The following A1CF variants were observed in gnomAD, a reference collection of about 807,000 sequenced individuals.
A1CF encodes the protein APOBEC-1 stimulating protein.
A neutral mutation model predicts 68.9 loss-of-function variants in A1CF; 48 were observed. The ratio of observed to expected loss-of-function variants is 0.70; its 90% CI spans 0.55 to 0.89. A1CF has a LOEUF of 0.89. Ranked by LOEUF, A1CF falls within the 40% of genes least tolerant of loss-of-function variation. The probability of loss-of-function intolerance (pLI) is 0.00; values close to 1 mark genes in which losing one functional copy is unlikely to be tolerated. For synonymous variants in A1CF, 272 were observed against 260.4 expected, an observed-to-expected ratio of 1.04 and a Z score of -0.43; for missense variants, 653 against 718.9, an observed-to-expected ratio of 0.91 and a Z score of 1.05.
chr10:50,807,004 T>C (rs1837864609), intron 12 of A1CF, 124 bp from the exon 13 acceptor site: 3 of 1,008,988 alleles, frequency 3.0e-6, no homozygotes, highest in Non-Finnish European at 2.8e-6. Flanking sequence ...TTAATATATA[T>C]GTTTTAAAAA....
intron 1 of A1CF, 117 bp downstream of exon 1, chr10:50,885,464 T>C (rs1211510952): frequency 1.3e-5 from 2 of 152,240 alleles, no homozygotes; most frequent in Non-Finnish European, 2.9e-5. Context: ...GATAATTCTT[T>C]GAATTAGGCT....
rs765367980 is a variant in A1CF at position 50,880,334 on chromosome 10, G to A, written c.-94+5247C>T. ...GTAGCTGCTTTATTGGAAAAATGGC[G>A]TAGCAATAGTACCCATTCCATAGAG... On this transcript the variant is annotated intron_variant, in intron 1 of 12. Transcript: ENST00000373997. 9.9e-5 allele frequency among the ~76,000 whole-genome samples: 15 copies of A among 152,268 alleles called. No individual in the cohort carries two copies. The East Asian group carries it at 1.9e-3, about 20-fold the overall frequency.
intron 3 of A1CF, among the ~76,000 whole-genome samples, chr10:50,856,964 C>G (rs1840506735): frequency 6.6e-6 from 1 of 152,024 alleles, no homozygotes; most frequent in African/African-American, 2.4e-5. Context: ...TAAATCATAA[C>G]ATTTGACCTT....
chr10:50,843,978 T>G lies in A1CF; in HGVS notation c.234+10A>C. 1 of 1,612,450 alleles carries G rather than the reference T, an allele frequency of 6.2e-7. No homozygotes were observed. The highest frequency in any genetic ancestry group is 8.5e-7 in the Non-Finnish European group (1 of 1,179,390). On this transcript the variant is annotated intron_variant, in intron 4 of 12. Transcript: ENST00000373997. ...CGATAAGAAAAATTAAATGTTAAAT[T>G]TGGACTCACTTTTTCACATAATGGT...
intron 1 of A1CF, among the ~76,000 whole-genome samples, chr10:50,865,174 A>T (rs1169180847): frequency 1.3e-5 from 2 of 152,010 alleles, no homozygotes; most frequent in African/African-American, 4.8e-5. Flanking sequence ...GAGGTGGATC[A>T]CCTGAGCCTG....
Position 50,811,036 on chromosome 10 carries a change from G to T in A1CF, c.1460+4C>A, listed in dbSNP as rs183476470. 1 of 1,609,776 alleles carries T rather than the reference G, an allele frequency of 6.2e-7. No homozygotes were observed. Among genetic ancestry groups the T allele is most frequent in the Admixed American group, 1.7e-5 (1 of 59,556 alleles). ...ATGGTAAGGAATTTGGAGAAGTTAC[G>T]CACATTGCAGGATTCTGGCTGGCTA... On this transcript the variant is annotated splice_donor_region_variant and intron_variant, in intron 11 of 12. Transcript: ENST00000373997.
At chr10:50,863,561 A>T (rs1316763982) in intron 2 of A1CF, among the ~76,000 whole-genome samples, 2 of 152,210 alleles carry the variant, frequency 1.3e-5, no homozygotes, top group Non-Finnish European at 2.9e-5. Context: ...AATTTTCAAG[A>T]CATAGGGATG....
chr10:50,832,740 G>A (rs1839309153), intron 6 of A1CF, among the ~76,000 whole-genome samples: 1 of 152,196 alleles, frequency 6.6e-6, no homozygotes, highest in Non-Finnish European at 1.5e-5. Flanking sequence ...AGATGATGCA[G>A]AGAAGACTTA....
intron 4 of A1CF, among the ~76,000 whole-genome samples, chr10:50,843,190 A>G (rs763834147): frequency 4.6e-5 from 7 of 152,208 alleles, no homozygotes; most frequent in Non-Finnish European, 7.3e-5. Context: ...AATAGTTTGA[A>G]CATGTTACAT....
chr10:50,869,540 C>T (rs1332220343), intron 1 of A1CF, among the ~76,000 whole-genome samples: 3 of 151,966 alleles, frequency 2.0e-5, no homozygotes, highest in Non-Finnish European at 4.4e-5. Context: ...TGTTAAGGTC[C>T]TAAGACTGTT....
At chr10:50,809,497 G>A (rs1050777884) in intron 12 of A1CF, among the ~76,000 whole-genome samples, 2 of 152,088 alleles carry the variant, frequency 1.3e-5, no homozygotes, top group African/African-American at 4.8e-5. Flanking sequence ...GGTATCATGA[G>A]TATTACTAAG....
chr10:50,882,871 T>C (rs1186188180), intron 1 of A1CF, among the ~76,000 whole-genome samples: 3 of 152,234 alleles, frequency 2.0e-5, no homozygotes, highest in Non-Finnish European at 1.5e-5. Context: ...AGACAGTTAC[T>C]GAAACAGATT....
rs957483162 is a variant in A1CF, at chr10:50,804,731, T to C, written c.*1998A>G. The C allele has an allele frequency of 6.6e-6, 1 of 152,180 alleles. No individual in the cohort carries two copies. Among genetic ancestry groups the C allele is most frequent in the African/African-American group, 2.4e-5 (1 of 41,454 alleles). The allele number at this position is 152,180 out of a possible 1,614,324, so 9.4% of individuals were successfully genotyped here. A position where few individuals can be genotyped will look rare whatever the true frequency, so the allele number is the denominator to read the frequency against. ...TGGCTATTTGTCTTAACTTAGATGA[T>C]TTTTTAATTGCATTTTTCTATTTAC... On this transcript the variant is annotated 3_prime_UTR_variant, in exon 13 of 13. Coordinates refer to ENST00000373997, the MANE Select transcript of A1CF (RefSeq NM_014576.4).
rs1589010463 is a variant in A1CF, at chr10:50,844,079, T to C, written c.143A>G (p.Asp48Gly). 6.2e-7 allele frequency: 1 copy of C among 1,613,162 alleles called. No homozygotes were observed. The highest frequency in any genetic ancestry group is 1.3e-5 in the African/African-American group (1 of 74,958). Residue 48 changes from aspartate to glycine, a missense_variant, in exon 4 of 13, where the codon GAT (aspartate) becomes GGT (glycine). By Grantham distance (94) the Asp-to-Gly change is moderately conservative. Transcript: ENST00000373997. The stretch of plus-strand genomic sequence containing the variant: ...ACAGCCCCTTTCAGGGGGTGCAGCA[T>C]CCCAACCAGGTGGAGGGCCACCATA... ...RKYGGPPPGW[D>G]AAPPERGCEI...
At position 50,859,901 on chromosome 10, in the gene A1CF, T is replaced by G; in HGVS notation, c.40A>C (p.Thr14Pro). The G allele has an allele frequency of 6.2e-7, 1 of 1,614,024 alleles. No individual in the cohort carries two copies. Among genetic ancestry groups the G allele is most frequent in the South Asian group, 1.1e-5 (1 of 91,080 alleles). Reference sequence around the variant, plus strand: ...GCGCGGAGGGCTGCTTCCTTCTGAGTGCCGCTCAATCCATCCCCGGATTTG... The same window carrying G: ...GCGCGGAGGGCTGCTTCCTTCTGAGGGCCGCTCAATCCATCCCCGGATTTG... ...NHKSGDGLSGTQKEAALRALV... is the reference protein window; with the variant it reads ...NHKSGDGLSGPQKEAALRALV... Residue 14 changes from threonine (T) to proline (P), a missense_variant, in exon 3 of 13, where the codon ACT (threonine) becomes CCT (proline). Transcript: ENST00000373997.
At chr10:50,869,993 G>T (rs1841173260) in intron 1 of A1CF, among the ~76,000 whole-genome samples, 1 of 151,478 alleles carries the variant, frequency 6.6e-6, no homozygotes, top group Admixed American at 6.6e-5. Flanking sequence ...ATGAAGATGT[G>T]GTCAAGTTTC....
At chr10:50,814,880 G>C (rs1838292259) in intron 9 of A1CF, among the ~76,000 whole-genome samples, 1 of 152,020 alleles carries the variant, frequency 6.6e-6, no homozygotes, top group Non-Finnish European at 1.5e-5. Flanking sequence ...ATGTTGCAAT[G>C]ATATAATTTA....
intron 12 of A1CF, among the ~76,000 whole-genome samples, chr10:50,808,075 T>C (rs934927236): frequency 6.6e-6 from 1 of 152,224 alleles, no homozygotes; most frequent in Non-Finnish European, 1.5e-5. Context: ...CTAAACTAAG[T>C]GAGTAATGTA....
At chr10:50,836,008 T>C (rs1449978493) in intron 6 of A1CF, 66 bp downstream of exon 6, 2 of 1,421,046 alleles carry the variant, frequency 1.4e-6, no homozygotes, top group African/African-American at 2.9e-5. Context: ...TAAAAATGCT[T>C]ATTTTCTTTG....
Sources: gnomAD v4.1 joint callset for allele counts (sites outside exome capture counted in the v4.1 genomes callset) on GRCh38, gnomAD v4.1.1 for gene constraint, MANE v1.5 for transcripts, NCBI Gene and HGNC (gene_info 2026-07-23, HGNC 2026-07-21) for gene names.